Variants in PCDHA5 observed in about 807,000 individuals in gnomAD.
PCDHA5 encodes the protein protocadherin alpha-5.
Under a neutral mutation model 61.6 loss-of-function variants are expected in PCDHA5, and 43 were observed. The ratio of observed to expected loss-of-function variants is 0.70; its 90% confidence interval spans 0.55 to 0.90. PCDHA5 has a LOEUF of 0.90. Among genes scored for constraint, PCDHA5 ranks in the 40% least tolerant of loss-of-function variants. PCDHA5 has a pLI of 0.00. For missense variants in PCDHA5, 1,298 were observed against 1,222.7 expected (o/e 1.06, Z -0.92); for synonymous variants, 627 against 543.9 (o/e 1.15, Z -2.13).
At position 140,927,496 on chromosome 5, in the gene PCDHA5, G is replaced by A. The variant is rs1206944698; in HGVS notation, c.2353-51453G>A. ...CGAACAGCGCGCCACCCACCTGCTG[G>A]TGCTTACAGCTCGGGACGGCGGGCT... On this transcript the variant is annotated intron_variant, in intron 1 of 3. Coordinates refer to ENST00000529859, the MANE Select transcript of PCDHA5 (RefSeq NM_018908.3). 10 of 1,614,026 alleles carry A rather than the reference G, an allele frequency of 6.2e-6. No individual in the cohort carries two copies. In the African/African-American group the frequency reaches 8.0e-5, roughly 13 times the overall value.
chr5:140,828,662 C>A (rs1769875553), intron 1 of PCDHA5: 1 of 1,614,006 alleles, frequency 6.2e-7, no homozygotes, highest in African/African-American at 1.3e-5. Context: ...TGACAATAAA[C>A]AAATTGGGCT....
chr5:140,921,925 G>A (rs895157006), intron 1 of PCDHA5, among the ~76,000 whole-genome samples: 2 of 151,816 alleles, frequency 1.3e-5, no homozygotes, highest in African/African-American at 4.8e-5. Flanking sequence ...AAAACTTATA[G>A]TCAATATAAT....
At chr5:140,982,585 A>G (rs782780327) in intron 3 of PCDHA5, 22 bp downstream of exon 3, 1 of 1,611,974 alleles carries the variant, frequency 6.2e-7, no homozygotes, top group Non-Finnish European at 8.5e-7. Context: ...GGGTCTCTCC[A>G]TTCTTTCTTG....
At position 140,835,833 on chromosome 5, in the gene PCDHA5, G is replaced by A. The variant is rs2150246145; in HGVS notation, c.2352+11706G>A. 4.3e-6 allele frequency: 7 copies of A among 1,612,446 alleles called. No homozygotes were observed. In the Admixed American group the frequency reaches 1.2e-4, roughly 27 times the overall value. On this transcript the variant is annotated intron_variant, in intron 1 of 3. Coordinates refer to ENST00000529859, the MANE Select transcript of PCDHA5 (RefSeq NM_018908.3). ...CACTGTGTCGGCGGGGGACGCGGAC[G>A]CGCAGAAGAACGCGCTGGTGTCCTA...
At chr5:140,882,991 AT>A (rs1554176407) in intron 1 of PCDHA5, 2 of 1,614,112 alleles carry the variant, frequency 1.2e-6, no homozygotes, top group Non-Finnish European at 1.7e-6. Flanking sequence ...ACGCCCCGGA[AT>A]TTTACCAATC....
intron 1 of PCDHA5, among the ~76,000 whole-genome samples, chr5:140,880,837 A>G (rs2058501881): frequency 1.3e-5 from 2 of 152,230 alleles, no homozygotes; most frequent in African/African-American, 4.8e-5. Flanking sequence ...CATATTTTAA[A>G]TGGTTGACTA....
intron 1 of PCDHA5, among the ~76,000 whole-genome samples, chr5:140,912,549 A>G (rs2075971399): frequency 6.6e-6 from 1 of 152,152 alleles, no homozygotes; most frequent in East Asian, 1.9e-4. Context: ...TTGTCAGCAA[A>G]CAGCAACAGT....
intron 1 of PCDHA5, chr5:140,883,434 T>G (rs2059607581): frequency 1.2e-6 from 2 of 1,614,038 alleles, no homozygotes; most frequent in Admixed American, 3.3e-5. Flanking sequence ...ACCTGCACCT[T>G]GACGCCGCAT....
intron 1 of PCDHA5, among the ~76,000 whole-genome samples, chr5:140,934,289 T>C (rs1584800076): frequency 6.6e-6 from 1 of 152,138 alleles, no homozygotes; most frequent in East Asian, 1.9e-4. Flanking sequence ...AGGGCATTCT[T>C]ACTGGTATTT....
Position 141,007,689 on chromosome 5 carries a change from A to G in PCDHA5, c.2501-1938A>G, listed in dbSNP as rs545850175. Among the ~76,000 whole-genome samples the G allele has an allele frequency of 3.5e-4, 53 of 152,196 alleles. 1 individual carries two copies. Among genetic ancestry groups the G allele is most frequent in the African/African-American group, 1.3e-3 (52 of 41,536 alleles). On this transcript the variant is annotated intron_variant, in intron 3 of 3. Coordinates refer to ENST00000529859, the MANE Select transcript of PCDHA5 (RefSeq NM_018908.3). ...CAAAGACAAAAGTTATCCTACTTCC[A>G]CCTCCCTCCTCTGCCTCCCACCACC...
intron 1 of PCDHA5, among the ~76,000 whole-genome samples, chr5:140,890,656 A>C (rs181998048): frequency 1.3e-5 from 2 of 152,300 alleles, no homozygotes; most frequent in Admixed American, 6.5e-5. Context: ...CAAAATCAAA[A>C]GTTAACTGAA....
chr5:140,876,738 G>C, intron 1 of PCDHA5: 2 of 1,614,264 alleles, frequency 1.2e-6, no homozygotes, highest in Non-Finnish European at 1.7e-6. Flanking sequence ...CGGCCTATGA[G>C]CTGGTGGTGA....
chr5:140,993,459 TTC>T lies in PCDHA5; in HGVS notation c.2500+10899_2500+10900del, dbSNP rs202191067. Among the ~76,000 whole-genome samples the T allele has an allele frequency of 6.6e-3, 550 of 83,072 alleles. 5 individuals carry two copies. The highest frequency in any genetic ancestry group is 0.016 in the African/African-American group (346 of 21,866). The allele number at this position is 83,072 out of a possible 152,430, so 54.5% of individuals were successfully genotyped here. ...ATTCATTCCTGTTCTCCTTCTTTCTTTCTCACACACACACACACACACACACA... is the reference window on the plus strand; with the variant it reads ...ATTCATTCCTGTTCTCCTTCTTTCTTTCACACACACACACACACACACACA... On this transcript the variant is annotated intron_variant, in intron 3 of 3. Transcript: ENST00000529859.
intron 1 of PCDHA5, among the ~76,000 whole-genome samples, chr5:140,905,958 G>C (rs1554192269): frequency 6.6e-6 from 1 of 152,184 alleles, no homozygotes; most frequent in African/African-American, 2.4e-5. Context: ...GATGTTCAAG[G>C]GGAGGAAGAT....
chr5:140,931,047 C>G (rs969815598), intron 1 of PCDHA5, among the ~76,000 whole-genome samples: 5 of 152,166 alleles, frequency 3.3e-5, no homozygotes, highest in African/African-American at 9.6e-5. Context: ...AGAAAAACTT[C>G]AATGCTGTGT....
chr5:140,913,569 A>G (rs1554195984), intron 1 of PCDHA5, among the ~76,000 whole-genome samples: 1 of 151,952 alleles, frequency 6.6e-6, no homozygotes, highest in Non-Finnish European at 1.5e-5. Flanking sequence ...TATTTTCATC[A>G]TTTCAAATAT....
intron 1 of PCDHA5, among the ~76,000 whole-genome samples, chr5:140,879,820 T>C (rs917285977): frequency 6.6e-6 from 1 of 152,232 alleles, no homozygotes; most frequent in Non-Finnish European, 1.5e-5. Flanking sequence ...CTGTTGGTGT[T>C]CCCTGGCTTG....
chr5:140,894,354 TTTC>T (rs1477056787), intron 1 of PCDHA5, among the ~76,000 whole-genome samples: 2 of 152,070 alleles, frequency 1.3e-5, no homozygotes, highest in Admixed American at 1.3e-4. Context: ...TTACTTCAGA[TTTC>T]TTCTTCAATG....
At chr5:140,830,681 G>A (rs112940654) in intron 1 of PCDHA5, 1 of 335,664 alleles carries the variant, frequency 3.0e-6, no homozygotes, top group East Asian at 6.0e-5. Flanking sequence ...AGAAATCACT[G>A]TCCACAATCT....
Sources: allele counts gnomAD v4.1 joint callset (sites outside exome capture counted in the v4.1 genomes callset), GRCh38; gene constraint gnomAD v4.1.1; transcripts MANE v1.5; gene names NCBI Gene and HGNC (gene_info 2026-07-23, HGNC 2026-07-21).